NAV2: variants seen among roughly 807,000 people sequenced by gnomAD.
NAV2 encodes neuron navigator 2.
A neutral mutation model predicts 223.2 loss-of-function variants in NAV2; 54 were observed. That is an observed-to-expected ratio of 0.24 (90% CI 0.19 to 0.30). NAV2 has a LOEUF of 0.30. NAV2 is among the 10% of genes least tolerant of loss of function. The pLI is 1.00. For synonymous variants in NAV2, 1,279 were observed against 1,239.3 expected (o/e 1.03, Z -0.67); for missense variants, 2,806 against 3,147.5 (o/e 0.89, Z 2.60).
intron 3 of NAV2, among the ~76,000 whole-genome samples, chr11:19,864,312 A>G (rs566179229): frequency 6.6e-6 from 1 of 152,264 alleles, no homozygotes; most frequent in East Asian, 1.9e-4. Context: ...CTTCCTTTGC[A>G]TTAATTATTT....
chr11:19,990,926 G>A (rs1171869807), intron 11 of NAV2, among the ~76,000 whole-genome samples: 1 of 129,698 alleles, frequency 7.7e-6, no homozygotes, highest in Non-Finnish European at 1.8e-5. Context: ...AAGCTATAAA[G>A]AAAAGATGTG....
At chr11:19,767,680 G>A (rs937679205) in intron 1 of NAV2, among the ~76,000 whole-genome samples, 1 of 152,236 alleles carries the variant, frequency 6.6e-6, no homozygotes, top group Admixed American at 6.5e-5. Context: ...AATCTTGAGA[G>A]ACAGGCATCA....
In NAV2 at chr11:20,101,516, C is replaced by T. The variant is rs139986850; in HGVS notation, c.6417+344C>T. Among the ~76,000 whole-genome samples, 403 of 152,214 alleles carry T rather than the reference C, an allele frequency of 2.6e-3. 2 individuals carry two copies. Among genetic ancestry groups the T allele is most frequent in the South Asian group, 0.026 (126 of 4,818 alleles). On this transcript the variant is annotated intron_variant, in intron 32 of 37. Coordinates refer to ENST00000349880, the MANE Select transcript of NAV2 (RefSeq NM_145117.5). ...ATAATAACACCAATAACAAAAATAACAATAATAAAAATAATAGAAGCCCAC... is the reference window on the plus strand; with the variant it reads ...ATAATAACACCAATAACAAAAATAATAATAATAAAAATAATAGAAGCCCAC...
intron 1 of NAV2, among the ~76,000 whole-genome samples, chr11:19,485,646 T>C (rs892110104): frequency 6.6e-6 from 1 of 152,228 alleles, no homozygotes; most frequent in South Asian, 2.1e-4. Flanking sequence ...GCCCATTAGG[T>C]TAAATTTTCT....
intron 24 of NAV2, among the ~76,000 whole-genome samples, chr11:20,079,574 G>C (rs905144482): frequency 6.6e-6 from 1 of 152,212 alleles, no homozygotes; most frequent in Non-Finnish European, 1.5e-5. Flanking sequence ...AAATGGGAAG[G>C]ATTTGCAAAT....
intron 6 of NAV2, among the ~76,000 whole-genome samples, chr11:19,927,645 C>T (rs542259637): frequency 6.6e-6 from 1 of 151,694 alleles, no homozygotes; most frequent in African/African-American, 2.4e-5. Flanking sequence ...CGAGATTGCA[C>T]CAGTGCACTC....
intron 1 of NAV2, among the ~76,000 whole-genome samples, chr11:19,363,179 T>C (rs1157804637): frequency 3.3e-5 from 5 of 152,064 alleles, no homozygotes; most frequent in Non-Finnish European, 7.4e-5. Context: ...CCCCTCCCTA[T>C]GTCCATGTGT....
chr11:20,118,170 A>G lies in NAV2; in HGVS notation c.7202A>G (p.Tyr2401Cys). 3 of 1,613,406 alleles carry G rather than the reference A, an allele frequency of 1.9e-6. No homozygotes were observed. The highest frequency in any genetic ancestry group is 2.2e-5 in the South Asian group (2 of 91,030). The change falls in exon 38 of 38, where the codon TAC (tyrosine) becomes TGC (cysteine). Residue 2401 changes from tyrosine (Y) to cysteine (C), a missense_variant. Physicochemically the swap from Tyr to Cys is radical, Grantham distance 194. This residue lies in a region of NAV2 where 824 missense variants were observed against 1,069.4 expected (regional missense o/e 0.77). Transcript: ENST00000349880. ...MLMRLQEAAN[Y>C]SSPQSYDSDS... ...ATGAGGCTGCAGGAGGCAGCCAACT[A>G]CTCCAGCCCCCAGAGCTATGACAGC...
intron 11 of NAV2, among the ~76,000 whole-genome samples, chr11:19,996,269 C>T (rs764334084): frequency 4.6e-5 from 7 of 152,146 alleles, no homozygotes; most frequent in African/African-American, 2.4e-5. Context: ...AAAAAGCAAA[C>T]CTTGTTTAGA....
intron 5 of NAV2, among the ~76,000 whole-genome samples, chr11:19,885,274 C>T (rs1053729240): frequency 1.3e-5 from 2 of 152,158 alleles, no homozygotes; most frequent in African/African-American, 4.8e-5. Flanking sequence ...AAAAAATGGA[C>T]GAACCAGGAT....
chr11:19,478,729 G>A (rs984455155), intron 1 of NAV2, among the ~76,000 whole-genome samples: 9 of 152,156 alleles, frequency 5.9e-5, no homozygotes, highest in South Asian at 4.1e-4. Context: ...GTGCACGCAC[G>A]CTTCTCAGCC....
chr11:19,519,782 A>T (rs2134311125), intron 1 of NAV2: 1 of 152,328 alleles, frequency 6.6e-6, no homozygotes, highest in East Asian at 1.9e-4. Context: ...AAAGAGCTCC[A>T]TGGAGAAAGT....
chr11:19,890,081 G>T (rs919683897), intron 5 of NAV2, among the ~76,000 whole-genome samples: 1 of 152,182 alleles, frequency 6.6e-6, no homozygotes, highest in African/African-American at 2.4e-5. Flanking sequence ...AACATACGGT[G>T]GCTGGACATT....
At chr11:19,932,203 C>T (rs2045412955) in intron 6 of NAV2, among the ~76,000 whole-genome samples, 1 of 111,632 alleles carries the variant, frequency 9.0e-6, no homozygotes, top group African/African-American at 3.5e-5. Context: ...TTCTGGCCCA[C>T]AGTGAACCCA....
At chr11:19,868,834 C>A in intron 3 of NAV2, 91 bp from the exon 4 acceptor site, 18 of 1,293,478 alleles carry the variant, frequency 1.4e-5, no homozygotes, top group African/African-American at 1.5e-5. Context: ...GCCGTTTTTA[C>A]AGCATTCTGT....
intron 1 of NAV2, among the ~76,000 whole-genome samples, chr11:19,354,543 G>A (rs908424720): frequency 1.3e-5 from 2 of 152,234 alleles, no homozygotes; most frequent in African/African-American, 2.4e-5. Flanking sequence ...TTGGTGTAGT[G>A]AGTGAGAGAG....
chr11:20,092,985 C>T, intron 28 of NAV2, 114 bp from the exon 29 acceptor site: 1 of 363,266 alleles, frequency 2.8e-6, no homozygotes, highest in Non-Finnish European at 5.6e-6. Flanking sequence ...CCCCCCACCC[C>T]CTGCACCCTG....
chr11:19,767,560 T>C (rs1227782047), intron 1 of NAV2, among the ~76,000 whole-genome samples: 1 of 152,246 alleles, frequency 6.6e-6, no homozygotes, highest in East Asian at 1.9e-4. Flanking sequence ...CCTAGTCAAG[T>C]TGTATAAAGC....
intron 17 of NAV2, among the ~76,000 whole-genome samples, chr11:20,052,065 C>T (rs935888310): frequency 1.5e-4 from 23 of 152,322 alleles, no homozygotes; most frequent in African/African-American, 5.5e-4. Flanking sequence ...CTAATGCCTC[C>T]CCTGTGATCT....
Sources: gnomAD v4.1 joint callset for allele counts (sites outside exome capture counted in the v4.1 genomes callset) on GRCh38, gnomAD v4.1.1 for gene constraint, gnomAD v4.1.1 regional missense constraint, MANE v1.5 for transcripts, NCBI Gene and HGNC (gene_info 2026-07-23, HGNC 2026-07-21) for gene names.